CELF4: variants seen among roughly 807,000 people sequenced by gnomAD.
The protein encoded by CELF4 is CUG-BP- and ETR-3-like factor 4.
In CELF4, 18 loss-of-function variants were observed where a neutral mutation model predicts 59.9. The ratio of observed to expected loss-of-function variants is 0.30; its 90% CI spans 0.21 to 0.45. CELF4 has a LOEUF of 0.45. Among genes scored for constraint, CELF4 ranks in the 20% least tolerant of loss-of-function variants. The pLI, the probability that CELF4 is intolerant of heterozygous loss-of-function variation, is 1.00. For synonymous variants in CELF4, 261 were observed against 267.1 expected (o/e 0.98, Z 0.22); for missense variants, 456 against 689.0 (o/e 0.66, Z 3.79).
intron 2 of CELF4, among the ~76,000 whole-genome samples, chr18:37,392,352 G>A (rs1010281538): frequency 2.0e-5 from 3 of 152,268 alleles, no homozygotes; most frequent in Non-Finnish European, 2.9e-5. Context: ...TTGCATAAGG[G>A]GCAACCCCCG....
chr18:37,558,871 G>A (rs918788935), intron 1 of CELF4, among the ~76,000 whole-genome samples: 4 of 151,526 alleles, frequency 2.6e-5, no homozygotes, highest in African/African-American at 9.7e-5. Flanking sequence ...ATACCAAGAG[G>A]CAGTGAGTAA....
chr18:37,553,546 A>G (rs1316008974), intron 1 of CELF4, among the ~76,000 whole-genome samples: 2 of 152,250 alleles, frequency 1.3e-5, no homozygotes, highest in African/African-American at 4.8e-5. Flanking sequence ...TTAAGAATAA[A>G]AATCACACTA....
intron 1 of CELF4, among the ~76,000 whole-genome samples, chr18:37,513,546 G>A (rs967984741): frequency 6.6e-6 from 1 of 152,122 alleles, no homozygotes; most frequent in African/African-American, 2.4e-5. Context: ...CCATTCTTAT[G>A]GAATGGATTT....
chr18:37,386,401 G>A lies in CELF4; in HGVS notation c.370-64520C>T, dbSNP rs75707624. On this transcript the variant is annotated intron_variant, in intron 2 of 12. Coordinates refer to ENST00000420428, the MANE Select transcript of CELF4 (RefSeq NM_020180.4). ...AGGAGGCTGAGCGAGGATACCTTGCGGTCGTGGGGAGAGACGGGAAGGCAG... is the reference window on the plus strand; with the variant it reads ...AGGAGGCTGAGCGAGGATACCTTGCAGTCGTGGGGAGAGACGGGAAGGCAG... Among the ~76,000 whole-genome samples the A allele has an allele frequency of 2.3e-3, 354 of 152,330 alleles. 14 individuals carry two copies. In the East Asian group the frequency reaches 0.052, roughly 23 times the overall value.
intron 2 of CELF4, among the ~76,000 whole-genome samples, chr18:37,358,056 G>A (rs2154558306): frequency 6.6e-6 from 1 of 152,290 alleles, no homozygotes; most frequent in South Asian, 2.1e-4. Flanking sequence ...GCTGAAATGA[G>A]TTAAGACTTT....
At chr18:37,461,834 T>G (rs887242409) in intron 2 of CELF4, among the ~76,000 whole-genome samples, 6 of 152,188 alleles carry the variant, frequency 3.9e-5, no homozygotes, top group African/African-American at 9.6e-5. Context: ...TAGAGGCCAG[T>G]GCAGGTAGGA....
At chr18:37,299,987 A>G (rs2095900042) in intron 3 of CELF4, among the ~76,000 whole-genome samples, 1 of 151,992 alleles carries the variant, frequency 6.6e-6, no homozygotes, top group South Asian at 2.1e-4. Context: ...GGATCATTGC[A>G]AGCTTCCCCT....
intron 3 of CELF4, among the ~76,000 whole-genome samples, chr18:37,285,164 T>G (rs893062600): frequency 2.6e-5 from 4 of 152,226 alleles, no homozygotes; most frequent in Admixed American, 6.5e-5. Context: ...TCCCATTGCC[T>G]GGGGTCCCAG....
At chr18:37,500,947 G>T (rs2099931156) in intron 1 of CELF4, among the ~76,000 whole-genome samples, 1 of 152,224 alleles carries the variant, frequency 6.6e-6, no homozygotes, top group Non-Finnish European at 1.5e-5. Flanking sequence ...GGCCTCTCCT[G>T]CCTGGAATCT....
At chr18:37,298,602 C>T (rs2095813478) in intron 3 of CELF4, among the ~76,000 whole-genome samples, 1 of 151,926 alleles carries the variant, frequency 6.6e-6, no homozygotes, top group South Asian at 2.1e-4. Context: ...TGGTGGCACA[C>T]ACCTCCCAGC....
intron 3 of CELF4, among the ~76,000 whole-genome samples, chr18:37,320,372 C>T (rs1039693237): frequency 4.0e-5 from 6 of 151,122 alleles, no homozygotes; most frequent in Non-Finnish European, 4.4e-5. Context: ...CAACTCCTTA[C>T]GCTCCCCTTG....
intron 2 of CELF4, among the ~76,000 whole-genome samples, chr18:37,438,067 A>G (rs1603639216): frequency 6.6e-6 from 1 of 152,168 alleles, no homozygotes; most frequent in Non-Finnish European, 1.5e-5. Context: ...AAGAGCCCTC[A>G]CCAGACACTG....
chr18:37,443,111 C>A (rs532638339), intron 2 of CELF4, among the ~76,000 whole-genome samples: 15 of 152,126 alleles, frequency 9.9e-5, no homozygotes, highest in Non-Finnish European at 1.9e-4. Context: ...GAGAACCTGA[C>A]GGGAGTGGGG....
chr18:37,271,022 C>T (rs1025078828), intron 7 of CELF4, 105 bp from the exon 8 acceptor site: 51 of 1,006,976 alleles, frequency 5.1e-5, no homozygotes, highest in Non-Finnish European at 6.3e-5. Context: ...CAAGGACCTG[C>T]GGATAGACTT....
chr18:37,441,273 C>CTGTGTG (rs36008798), intron 2 of CELF4, among the ~76,000 whole-genome samples: 1,823 of 143,390 alleles, frequency 0.013, 13 homozygotes, highest in Middle Eastern at 0.021. Flanking sequence ...CTCAACAATG[C>CTGTGTG]TGTGTGTGTG....
intron 1 of CELF4, among the ~76,000 whole-genome samples, chr18:37,534,417 C>T (rs1368790509): frequency 6.6e-6 from 1 of 152,164 alleles, no homozygotes; most frequent in Admixed American, 6.5e-5. Context: ...TCCCCACCGG[C>T]ACCACTGCAC....
chr18:37,247,138 A>G (rs1440807554), intron 12 of CELF4: 2 of 152,178 alleles, frequency 1.3e-5, no homozygotes, highest in Admixed American at 6.5e-5. Flanking sequence ...GCCTTGTTAC[A>G]TGACGCCATC....
intron 1 of CELF4, among the ~76,000 whole-genome samples, chr18:37,564,273 T>G (rs1157601650): frequency 6.6e-6 from 1 of 152,144 alleles, no homozygotes; most frequent in African/African-American, 2.4e-5. Flanking sequence ...CCGCTGCACA[T>G]CCTATATATT....
chr18:37,341,597 G>A (rs1333843344), intron 2 of CELF4, among the ~76,000 whole-genome samples: 1 of 152,142 alleles, frequency 6.6e-6, no homozygotes, highest in Non-Finnish European at 1.5e-5. Context: ...GGTCCAACAT[G>A]GGCACAGGCT....
Sources: gnomAD v4.1 joint callset for allele counts (sites outside exome capture counted in the v4.1 genomes callset) on GRCh38, gnomAD v4.1.1 for gene constraint, MANE v1.5 for transcripts, NCBI Gene and HGNC (gene_info 2026-07-23, HGNC 2026-07-21) for gene names.